NELL1: variants seen among roughly 807,000 people sequenced by gnomAD.
NELL1 encodes neural EGFL like 1.
Under a neutral mutation model 107.4 loss-of-function variants are expected in NELL1, and 76 were observed. That is an observed-to-expected ratio of 0.71 (90% CI 0.59 to 0.86). The LOEUF (loss-of-function observed/expected upper bound fraction) is 0.86, where lower values mean the gene tolerates loss of function less well. Ranked by LOEUF, NELL1 falls within the 40% of genes least tolerant of loss-of-function variation. NELL1 has a pLI of 0.00. For missense variants in NELL1, 1,024 were observed against 1,005.5 expected, an observed-to-expected ratio of 1.02 and a Z score of -0.25; for synonymous variants, 353 against 341.2, an observed-to-expected ratio of 1.03 and a Z score of -0.38.
At chr11:20,816,342 T>C (rs1016641326) in intron 3 of NELL1, among the ~76,000 whole-genome samples, 3 of 152,244 alleles carry the variant, frequency 2.0e-5, no homozygotes, top group African/African-American at 7.2e-5. Context: ...TGTTTTATAG[T>C]TGTCCATGTA....
At chr11:21,292,335 C>T (rs1297742239) in intron 14 of NELL1, among the ~76,000 whole-genome samples, 2 of 152,076 alleles carry the variant, frequency 1.3e-5, no homozygotes, top group Non-Finnish European at 2.9e-5. Context: ...ACAATTGCTA[C>T]CAAGAGAATA....
At position 21,542,720 on chromosome 11, in the gene NELL1, A is replaced by G. The variant is rs142349479; in HGVS notation, c.1786+8206A>G. ...GGGTGATAAAGAGAATGAGAAAATG[A>G]TCGGCAGATTTTTAAACCAATTTTT... On this transcript the variant is annotated intron_variant, in intron 16 of 19. Coordinates refer to ENST00000357134, the MANE Select transcript of NELL1 (RefSeq NM_006157.5). Among the ~76,000 whole-genome samples, 387 of 152,200 alleles carry G rather than the reference A, an allele frequency of 2.5e-3. 2 individuals carry two copies. The highest frequency in any genetic ancestry group is 8.9e-3 in the African/African-American group (369 of 41,558).
intron 2 of NELL1, among the ~76,000 whole-genome samples, chr11:20,748,609 C>T (rs779583569): frequency 3.3e-5 from 5 of 151,946 alleles, no homozygotes; most frequent in Non-Finnish European, 7.4e-5. Flanking sequence ...TTTTGTATGC[C>T]TTTGCATACC....
chr11:21,479,434 G>A (rs1403106862), intron 15 of NELL1, among the ~76,000 whole-genome samples: 1 of 152,070 alleles, frequency 6.6e-6, no homozygotes, highest in Non-Finnish European at 1.5e-5. Context: ...AATAAGCCAG[G>A]CACACAAAGG....
At chr11:20,771,192 T>C (rs1204729484) in intron 2 of NELL1, among the ~76,000 whole-genome samples, 1 of 152,142 alleles carries the variant, frequency 6.6e-6, no homozygotes, top group African/African-American at 2.4e-5. Flanking sequence ...CCAACTTTAC[T>C]TCTCACTCTC....
chr11:21,512,881 T>C (rs984973968), intron 15 of NELL1, among the ~76,000 whole-genome samples: 13 of 152,152 alleles, frequency 8.5e-5, no homozygotes, highest in Non-Finnish European at 1.8e-4. Flanking sequence ...ACCGAACCTA[T>C]TACCGCCAAT....
chr11:20,866,416 A>T (rs1004830394), intron 4 of NELL1, among the ~76,000 whole-genome samples: 1 of 152,238 alleles, frequency 6.6e-6, no homozygotes, highest in Non-Finnish European at 1.5e-5. Flanking sequence ...TAGGGATGAC[A>T]TTAGACTCTG....
intron 4 of NELL1, 105 bp downstream of exon 4, chr11:20,847,858 C>A: frequency 2.5e-6 from 3 of 1,206,038 alleles, no homozygotes; most frequent in Non-Finnish European, 3.5e-6. Flanking sequence ...AAACAAACAC[C>A]AAGGGACCCT....
intron 16 of NELL1, among the ~76,000 whole-genome samples, chr11:21,554,677 A>G (rs1054432473): frequency 6.6e-6 from 1 of 151,910 alleles, no homozygotes; most frequent in Non-Finnish European, 1.5e-5. Flanking sequence ...CATGACAAGC[A>G]TATCGTTATG....
chr11:20,852,054 C>T (rs1362536560), intron 4 of NELL1, among the ~76,000 whole-genome samples: 3 of 152,208 alleles, frequency 2.0e-5, no homozygotes, highest in African/African-American at 7.2e-5. Flanking sequence ...TTGGCCAGCA[C>T]TTTTTGTAAT....
chr11:20,970,922 T>G (rs972823320), intron 12 of NELL1, among the ~76,000 whole-genome samples: 7 of 152,178 alleles, frequency 4.6e-5, no homozygotes, highest in Non-Finnish European at 8.8e-5. Flanking sequence ...TCATCCTCAA[T>G]GAAATAGTTG....
intron 5 of NELL1, among the ~76,000 whole-genome samples, chr11:20,916,057 C>T (rs1428752490): frequency 2.0e-5 from 3 of 151,820 alleles, no homozygotes; most frequent in Non-Finnish European, 4.4e-5. Flanking sequence ...AATAAATTAA[C>T]ATTCCCATCT....
intron 13 of NELL1, among the ~76,000 whole-genome samples, chr11:21,148,181 A>G (rs1249820180): frequency 1.3e-5 from 2 of 152,246 alleles, no homozygotes; most frequent in African/African-American, 4.8e-5. Flanking sequence ...ATGAACACAT[A>G]AACCATTCAG....
chr11:21,150,961 G>A (rs1196697645), intron 13 of NELL1, among the ~76,000 whole-genome samples: 1 of 152,084 alleles, frequency 6.6e-6, no homozygotes, highest in Non-Finnish European at 1.5e-5. Flanking sequence ...TGGAGAGAGA[G>A]AGGGCAAAGG....
intron 2 of NELL1, among the ~76,000 whole-genome samples, chr11:20,742,676 T>C (rs151092800): frequency 0.017 from 2,605 of 152,178 alleles, 67 homozygotes; most frequent in African/African-American, 0.059. Flanking sequence ...ATGAGACTTA[T>C]TCACTATCAC....
intron 13 of NELL1, among the ~76,000 whole-genome samples, chr11:21,134,709 GCA>G (rs1042609743): frequency 6.6e-6 from 1 of 152,064 alleles, no homozygotes; most frequent in African/African-American, 2.4e-5. Context: ...AAGCCTTTTG[GCA>G]CAGTTTTAAG....
At chr11:20,750,710 C>A (rs528595334) in intron 2 of NELL1, among the ~76,000 whole-genome samples, 1 of 152,164 alleles carries the variant, frequency 6.6e-6, no homozygotes, top group South Asian at 2.1e-4. Context: ...TCTCAACCTC[C>A]CCAGTAGCTA....
chr11:21,332,381 T>C (rs1850291338), intron 14 of NELL1, among the ~76,000 whole-genome samples: 1 of 151,954 alleles, frequency 6.6e-6, no homozygotes, highest in South Asian at 2.1e-4. Flanking sequence ...AAGAGTACTG[T>C]GCCCTGTTTA....
intron 14 of NELL1, among the ~76,000 whole-genome samples, chr11:21,303,363 T>C (rs943838237): frequency 6.6e-6 from 1 of 151,856 alleles, no homozygotes; most frequent in African/African-American, 2.4e-5. Flanking sequence ...TGCTAACAGG[T>C]ATGTGAAAAA....
Sources: gnomAD v4.1 joint callset for allele counts (sites outside exome capture counted in the v4.1 genomes callset) on GRCh38, gnomAD v4.1.1 for gene constraint, MANE v1.5 for transcripts, NCBI Gene and HGNC (gene_info 2026-07-23, HGNC 2026-07-21) for gene names.